Variants in TRAPPC9 observed in about 807,000 individuals in gnomAD.
The protein encoded by TRAPPC9 is trafficking protein particle complex subunit 9, also known as IKK2 binding protein.
TRAPPC9 carries 83 observed loss-of-function variants against 124.0 expected under a neutral mutation model. The ratio of observed to expected loss-of-function variants is 0.67; its 90% CI spans 0.56 to 0.80. The LOEUF is 0.80. TRAPPC9 is among the 30% of genes least tolerant of loss of function. The probability of loss-of-function intolerance (pLI) is 0.00; values close to 1 mark genes in which losing one functional copy is unlikely to be tolerated. For synonymous variants in TRAPPC9, 638 were observed against 617.5 expected, an observed-to-expected ratio of 1.03 and a Z score of -0.49; for missense variants, 1,302 against 1,508.3, an observed-to-expected ratio of 0.86 and a Z score of 2.27.
At chr8:140,392,850 G>C (rs1324240775) in intron 7 of TRAPPC9, among the ~76,000 whole-genome samples, 5 of 152,112 alleles carry the variant, frequency 3.3e-5, no homozygotes, top group African/African-American at 1.2e-4. Context: ...TCTGTTAATG[G>C]GTCCTCAACA....
intron 17 of TRAPPC9, among the ~76,000 whole-genome samples, chr8:140,072,499 C>A (rs1325963498): frequency 1.4e-5 from 2 of 146,182 alleles, no homozygotes; most frequent in Non-Finnish European, 3.0e-5. Flanking sequence ...GTCTGGGCGA[C>A]AGAGCGAGAC....
At chr8:140,086,926 T>C (rs1383689195) in intron 17 of TRAPPC9, among the ~76,000 whole-genome samples, 6 of 149,590 alleles carry the variant, frequency 4.0e-5, no homozygotes, top group Admixed American at 6.6e-5. Context: ...AGTGAGACTG[T>C]CTCAAAAAAA....
intron 6 of TRAPPC9, chr8:140,405,323 A>G: frequency 2.8e-6 from 1 of 355,868 alleles, no homozygotes; most frequent in Non-Finnish European, 5.1e-6. Flanking sequence ...AATATTAACA[A>G]TCATTATCTG....
intron 20 of TRAPPC9, among the ~76,000 whole-genome samples, chr8:139,890,153 C>T (rs1001063131): frequency 3.9e-5 from 6 of 152,232 alleles, no homozygotes; most frequent in South Asian, 2.1e-4. Context: ...TCTCCCTCAA[C>T]GAGCCAGCAC....
chr8:139,886,069 C>T (rs1001923393), intron 20 of TRAPPC9, 100 bp from the exon 21 acceptor site: 8 of 1,075,558 alleles, frequency 7.4e-6, no homozygotes, highest in East Asian at 2.6e-5. Flanking sequence ...AAACCTCCTA[C>T]AGCAGATGTC....
intron 17 of TRAPPC9, among the ~76,000 whole-genome samples, chr8:140,164,050 T>C (rs1251495738): frequency 1.3e-5 from 2 of 152,224 alleles, no homozygotes; most frequent in African/African-American, 2.4e-5. Context: ...TATTAAAATA[T>C]GTGGCAGACA....
chr8:139,898,611 C>T (rs1830815201), intron 20 of TRAPPC9, among the ~76,000 whole-genome samples: 1 of 152,134 alleles, frequency 6.6e-6, no homozygotes, highest in Admixed American at 6.5e-5. Context: ...GTGTGTTCAG[C>T]CCACAAAGAT....
upstream of TRAPPC9, chr8:140,457,757 G>A (rs933892478): frequency 8.0e-6 from 8 of 996,354 alleles, no homozygotes; most frequent in Non-Finnish European, 9.6e-6. Flanking sequence ...CGGCCGAGCC[G>A]GCGCTGCTCC....
At chr8:140,015,976 C>T (rs1839438278) in intron 18 of TRAPPC9, among the ~76,000 whole-genome samples, 1 of 152,164 alleles carries the variant, frequency 6.6e-6, no homozygotes, top group Non-Finnish European at 1.5e-5. Flanking sequence ...CTGCATGTTC[C>T]ACAGAGCTCA....
chr8:139,987,538 A>G (rs1837318195), intron 19 of TRAPPC9, among the ~76,000 whole-genome samples: 1 of 88,154 alleles, frequency 1.1e-5, no homozygotes, highest in East Asian at 5.0e-4. Context: ...AAAACAAATG[A>G]AAGAGGCAGA....
intron 20 of TRAPPC9, among the ~76,000 whole-genome samples, chr8:139,893,593 T>C (rs577420730): frequency 6.6e-6 from 1 of 152,340 alleles, no homozygotes; most frequent in East Asian, 1.9e-4. Context: ...GATTAAATAA[T>C]GTAATGAAAA....
intron 19 of TRAPPC9, among the ~76,000 whole-genome samples, chr8:139,921,650 G>A (rs1832509484): frequency 6.6e-6 from 1 of 151,274 alleles, no homozygotes; most frequent in Non-Finnish European, 1.5e-5. Context: ...CAGATAGAGG[G>A]AGCATTACTT....
intron 17 of TRAPPC9, among the ~76,000 whole-genome samples, chr8:140,195,262 G>C (rs562524159): frequency 6.8e-6 from 1 of 146,726 alleles, no homozygotes; most frequent in East Asian, 2.1e-4. Flanking sequence ...AACACACAAC[G>C]ATCCATCATA....
intron 21 of TRAPPC9, among the ~76,000 whole-genome samples, chr8:139,752,473 A>C (rs1364771147): frequency 6.7e-6 from 1 of 150,342 alleles, no homozygotes; most frequent in Non-Finnish European, 1.5e-5. Context: ...CCATCCATCT[A>C]TCCAACATCT....
intron 19 of TRAPPC9, among the ~76,000 whole-genome samples, chr8:139,964,224 CAAAAA>C (rs1008397834): frequency 3.0e-5 from 2 of 67,670 alleles, no homozygotes; most frequent in East Asian, 3.9e-4. Context: ...GACTCTGTCT[CAAAAA>C]AAAAAAAAAA....
chr8:139,733,808 T>C (rs1817988916), intron 21 of TRAPPC9, among the ~76,000 whole-genome samples: 2 of 152,232 alleles, frequency 1.3e-5, no homozygotes, highest in Admixed American at 1.3e-4. Flanking sequence ...CACAGCCCTC[T>C]GCCCTTGACC....
chr8:140,270,682 G>C (rs1005271342), intron 15 of TRAPPC9, among the ~76,000 whole-genome samples: 1 of 152,214 alleles, frequency 6.6e-6, no homozygotes, highest in African/African-American at 2.4e-5. Flanking sequence ...CCAGAGCCCA[G>C]AGGATAAATG....
chr8:139,997,636 G>T (rs1241558269), intron 18 of TRAPPC9, among the ~76,000 whole-genome samples: 1 of 127,534 alleles, frequency 7.8e-6, no homozygotes. Context: ...CCACACAGGG[G>T]AAACAATGCA....
At chr8:139,802,216 T>C (rs1274476870) in intron 21 of TRAPPC9, among the ~76,000 whole-genome samples, 10 of 152,230 alleles carry the variant, frequency 6.6e-5, no homozygotes, top group Admixed American at 3.3e-4. Context: ...ACAAATGTAC[T>C]TGGAGTGAAG....
Sources: allele counts gnomAD v4.1 joint callset (sites outside exome capture counted in the v4.1 genomes callset), GRCh38; gene constraint gnomAD v4.1.1; transcripts MANE v1.5; gene names NCBI Gene and HGNC (gene_info 2026-07-23, HGNC 2026-07-21).